The following PPARA variants were observed in gnomAD, a reference collection of about 807,000 sequenced individuals.
PPARA encodes the protein peroxisome proliferator activated receptor alpha, also known as peroxisome proliferator-activated receptor alpha.
PPARA carries 22 observed loss-of-function variants against 42.2 expected under a neutral mutation model. That is an observed-to-expected ratio of 0.52 (90% confidence interval 0.37 to 0.74). The LOEUF is 0.74. Among genes scored for constraint, PPARA ranks in the 30% least tolerant of loss-of-function variants. PPARA has a pLI of 0.00. For synonymous variants in PPARA, 242 were observed against 239.3 expected (o/e 1.01, Z -0.10); for missense variants, 465 against 608.2 (o/e 0.76, Z 2.48).
At chr22:46,207,525 C>T (rs1473453439) in intron 4 of PPARA, among the ~76,000 whole-genome samples, 6 of 150,010 alleles carry the variant, frequency 4.0e-5, no homozygotes, top group Non-Finnish European at 7.4e-5. Flanking sequence ...CCTCATGATC[C>T]GCCCACCTCG....
Position 46,231,556 on chromosome 22 carries a change from A to C in PPARA, c.712-236A>C, listed in dbSNP as rs1024613517. On this transcript the variant is annotated intron_variant, in intron 7 of 8. Coordinates refer to ENST00000407236, the MANE Select transcript of PPARA (RefSeq NM_005036.6). The surrounding 1 kb of genome is among the most constrained non-coding windows in gnomAD (Gnocchi z 7.7). ...GTTTCTTAGCGATGAAATCCACCCA[A>C]TGTCAGGCGATGACTATTATTATTT... 6.6e-6 allele frequency among the ~76,000 whole-genome samples: 1 copy of C among 152,030 alleles called. No homozygotes were observed. The highest frequency in any genetic ancestry group is 1.5e-5 in the Non-Finnish European group (1 of 68,006).
intron 3 of PPARA, among the ~76,000 whole-genome samples, chr22:46,198,037 CT>C (rs1569217895): frequency 6.6e-6 from 1 of 151,096 alleles, no homozygotes; most frequent in Admixed American, 6.6e-5. Context: ...CGAGACCACC[CT>C]GGCTAACACA....
chr22:46,194,892 T>C (rs1038778236), intron 3 of PPARA, among the ~76,000 whole-genome samples: 1 of 139,022 alleles, frequency 7.2e-6, no homozygotes, highest in African/African-American at 2.9e-5. Context: ...CTGTTTTCTT[T>C]CTTTTTTTTT....
intron 3 of PPARA, among the ~76,000 whole-genome samples, chr22:46,181,647 G>A (rs1488145725): frequency 1.3e-5 from 2 of 152,136 alleles, no homozygotes; most frequent in African/African-American, 4.8e-5. Context: ...AATGTCGGGT[G>A]GCCAGCCGAG....
Position 46,162,867 on chromosome 22 carries a change from T to C in PPARA, c.-127+10897T>C, listed in dbSNP as rs1569185662. On this transcript the variant is annotated intron_variant, in intron 2 of 8. Transcript: ENST00000407236. This position sits in a 1 kb window ranked among gnomAD's most constrained non-coding sequence, Gnocchi z 6.0. ...CACTCTGATTTGATGAATTCTGCCT[T>C]CACTTGAGCAGCTATTAGGGGCATA... 6.6e-6 allele frequency among the ~76,000 whole-genome samples: 1 copy of C among 152,244 alleles called. No homozygotes were observed. The highest frequency in any genetic ancestry group is 1.5e-5 in the Non-Finnish European group (1 of 68,040).
At chr22:46,229,288 G>A (rs1935702040) in intron 7 of PPARA, among the ~76,000 whole-genome samples, 1 of 151,976 alleles carries the variant, frequency 6.6e-6, no homozygotes, top group South Asian at 2.1e-4. Context: ...AGTGGCTCAC[G>A]CATGTAATCC....
At chr22:46,199,348 C>G (rs1465815657) in intron 4 of PPARA, among the ~76,000 whole-genome samples, 1 of 152,110 alleles carries the variant, frequency 6.6e-6, no homozygotes, top group Non-Finnish European at 1.5e-5. Flanking sequence ...AAAGAACAGA[C>G]TAGGCTAGGC....
rs1003597335 is a variant in PPARA at position 46,211,431 on chromosome 22, C to T, written c.209-3742C>T. Among the ~76,000 whole-genome samples the T allele has an allele frequency of 6.6e-6, 1 of 152,208 alleles. No homozygotes were observed. Among genetic ancestry groups the T allele is most frequent in the Admixed American group, 6.5e-5 (1 of 15,268 alleles). ...CCAGATCCTTTTGCCTTTAGTCTTACAGATTCCAATCATTCCAAATTATTC... is the reference window on the plus strand; with the variant it reads ...CCAGATCCTTTTGCCTTTAGTCTTATAGATTCCAATCATTCCAAATTATTC... On this transcript the variant is annotated intron_variant, in intron 4 of 8. Coordinates refer to ENST00000407236, the MANE Select transcript of PPARA (RefSeq NM_005036.6). This position sits in a 1 kb window ranked among gnomAD's most constrained non-coding sequence, Gnocchi z 4.1.
intron 7 of PPARA, among the ~76,000 whole-genome samples, chr22:46,226,921 C>T (rs1395642401): frequency 1.3e-5 from 2 of 152,030 alleles, no homozygotes; most frequent in African/African-American, 4.8e-5. Context: ...TTGTGACATG[C>T]AGCTGAACAT....
Position 46,225,992 on chromosome 22 carries a change from T to C in PPARA, c.712-5800T>C, listed in dbSNP as rs111075061. ...TCACCCATACAGTCACACACATGCA[T>C]ACACACACATACAAACACATGCATT... is the stretch of plus-strand genomic sequence containing the variant. On this transcript the variant is annotated intron_variant, in intron 7 of 8. Coordinates refer to ENST00000407236, the MANE Select transcript of PPARA (RefSeq NM_005036.6). The surrounding 1 kb of genome is among the most constrained non-coding windows in gnomAD (Gnocchi z 4.1). Among the ~76,000 whole-genome samples the C allele has an allele frequency of 2.0e-5, 3 of 151,448 alleles. No individual in the cohort carries two copies. The highest frequency in any genetic ancestry group is 4.4e-5 in the Non-Finnish European group (3 of 67,872).
chr22:46,205,519 CATATATATATATATAT>C lies in PPARA; in HGVS notation c.208+6949_208+6964del, dbSNP rs552533545. 3.0e-3 allele frequency among the ~76,000 whole-genome samples: 104 copies of C among 34,432 alleles called. 1 individual carries two copies. Among genetic ancestry groups the C allele is most frequent in the African/African-American group, 0.01 (86 of 8,394 alleles). The allele number at this position is 34,432 out of a possible 152,430, so 22.6% of individuals were successfully genotyped here. A position where few individuals can be genotyped will look rare whatever the true frequency, so the allele number is the denominator to read the frequency against. On this transcript the variant is annotated intron_variant, in intron 4 of 8. Transcript: ENST00000407236. Reference sequence around the variant, plus strand: ...ACAGGCGTGAGCCACCATGCCCAGCCATATATATATATATATATATATATATATATATATATTTTTT... The same window carrying C: ...ACAGGCGTGAGCCACCATGCCCAGCCATATATATATATATATATATTTTTT...
chr22:46,203,271 A>G lies in PPARA; in HGVS notation c.208+4680A>G, dbSNP rs1487523896. Among the ~76,000 whole-genome samples, 1 of 152,190 alleles carries G rather than the reference A, an allele frequency of 6.6e-6. No homozygotes were observed. Among genetic ancestry groups the G allele is most frequent in the Non-Finnish European group, 1.5e-5 (1 of 68,028 alleles). On this transcript the variant is annotated intron_variant, in intron 4 of 8. Coordinates refer to ENST00000407236, the MANE Select transcript of PPARA (RefSeq NM_005036.6). This position sits in a 1 kb window ranked among gnomAD's most constrained non-coding sequence, Gnocchi z 5.8. ...TACCTAATCTGATCTTTTGGGTAAT[A>G]TTCCTAGTTATGTAGACTGGTCTCT...
chr22:46,166,176 T>C (rs1315157147), intron 2 of PPARA, among the ~76,000 whole-genome samples: 3 of 152,170 alleles, frequency 2.0e-5, no homozygotes, highest in Admixed American at 6.5e-5. Context: ...TGCATGATGA[T>C]CACTGGCCAA....
At chr22:46,166,629 A>C (rs570983999) in intron 2 of PPARA, among the ~76,000 whole-genome samples, 15 of 152,142 alleles carry the variant, frequency 9.9e-5, no homozygotes, top group African/African-American at 3.1e-4. Context: ...AAAAAAAAAA[A>C]AACAAAAAAC....
At chr22:46,159,493 C>T (rs926965002) in intron 2 of PPARA, among the ~76,000 whole-genome samples, 3 of 152,140 alleles carry the variant, frequency 2.0e-5, no homozygotes, top group Admixed American at 2.0e-4. Context: ...CATCTCTGCA[C>T]GGCTTCCCTG....
At chr22:46,176,391 C>A (rs1929063800) in intron 2 of PPARA, among the ~76,000 whole-genome samples, 1 of 151,388 alleles carries the variant, frequency 6.6e-6, no homozygotes, top group Non-Finnish European at 1.5e-5. Context: ...GAGGCTGAGG[C>A]AGGAGAATCA....
Position 46,211,602 on chromosome 22 carries a change from C to T in PPARA, c.209-3571C>T, listed in dbSNP as rs1291923568. Reference sequence around the variant, plus strand: ...AAGTTATTTTTGTTTTATTTGCACACATTAGGTTCAATCTGAACTATAAAG... The same window carrying T: ...AAGTTATTTTTGTTTTATTTGCACATATTAGGTTCAATCTGAACTATAAAG... On this transcript the variant is annotated intron_variant, in intron 4 of 8. Coordinates refer to ENST00000407236, the MANE Select transcript of PPARA (RefSeq NM_005036.6). This position sits in a 1 kb window ranked among gnomAD's most constrained non-coding sequence, Gnocchi z 4.1. 1.3e-5 allele frequency among the ~76,000 whole-genome samples: 2 copies of T among 152,224 alleles called. No homozygotes were observed.
chr22:46,168,070 C>T (rs986708986), intron 2 of PPARA, among the ~76,000 whole-genome samples: 1 of 150,344 alleles, frequency 6.7e-6, no homozygotes. Flanking sequence ...AAGAAGAAAG[C>T]GACCGGGCGC....
Position 46,231,253 on chromosome 22 carries a change from C to CT in PPARA, c.712-538dup, listed in dbSNP as rs1935847312. Among the ~76,000 whole-genome samples, 1 of 150,662 alleles carries CT rather than the reference C, an allele frequency of 6.6e-6. No homozygotes were observed. The highest frequency in any genetic ancestry group is 2.4e-5 in the African/African-American group (1 of 40,914). On this transcript the variant is annotated intron_variant, in intron 7 of 8. Coordinates refer to ENST00000407236, the MANE Select transcript of PPARA (RefSeq NM_005036.6). The surrounding 1 kb of genome is among the most constrained non-coding windows in gnomAD (Gnocchi z 7.7). ...TTTTTTTTTGAGACGGAGTCTCGCT[C>CT]TGTCACCCAGGCTGGAGTGCAGTGG...
Sources: allele counts gnomAD v4.1 joint callset (sites outside exome capture counted in the v4.1 genomes callset), GRCh38; gene constraint gnomAD v4.1.1; non-coding constraint Gnocchi (gnomAD v3.1); transcripts MANE v1.5; gene names NCBI Gene and HGNC (gene_info 2026-07-23, HGNC 2026-07-21).